Variants in MTRR observed in about 807,000 individuals in gnomAD.
MTRR encodes the protein 5-methyltetrahydrofolate-homocysteine methyltransferase reductase, also known as methionine synthase reductase.
In MTRR, 63 loss-of-function variants were observed where a neutral mutation model predicts 79.2. The observed-to-expected ratio is 0.80, with a 90% CI of 0.65 to 0.98. The LOEUF is 0.98. Among genes scored for constraint, MTRR ranks in the 50% least tolerant of loss-of-function variants. The pLI is 0.00. For synonymous variants in MTRR, 355 were observed against 313.3 expected, an observed-to-expected ratio of 1.13 and a Z score of -1.41; for missense variants, 895 against 839.6, an observed-to-expected ratio of 1.07 and a Z score of -0.82.
At chr5:7,867,521 A>G (rs1747071183), upstream of MTRR, 1 of 1,614,136 alleles carries the variant, frequency 6.2e-7, no homozygotes, top group African/African-American at 1.3e-5. Flanking sequence ...ATCCACATGC[A>G]ACAGAATCAG....
rs201823283 is a variant in MTRR at position 7,873,369 on chromosome 5, G to A, written c.130-4G>A. The A allele has an allele frequency of 1.2e-6, 2 of 1,614,142 alleles. No individual in the cohort carries two copies. Among genetic ancestry groups the A allele is most frequent in the South Asian group, 1.1e-5 (1 of 91,078 alleles). On this transcript the variant is annotated splice_region_variant and splice_polypyrimidine_tract_variant and intron_variant, in intron 2 of 14. Coordinates refer to ENST00000440940, the MANE Select transcript of MTRR (RefSeq NM_002454.3). The stretch of plus-strand genomic sequence containing the variant: ...GTCCCTGACTTGATATCCTTGTTTT[G>A]TAGTATGACCTAAAAACCGAAACAG...
intron 1 of MTRR, chr5:7,870,124 G>T (rs1385005068): frequency 1.0e-6 from 1 of 970,572 alleles, no homozygotes. Flanking sequence ...TGTTTAAGTG[G>T]ATTGGAAATA....
At chr5:7,889,506 C>G (rs766919524) in intron 9 of MTRR, among the ~76,000 whole-genome samples, 1 of 152,044 alleles carries the variant, frequency 6.6e-6, no homozygotes, top group Admixed American at 6.5e-5. Context: ...CCCTTCCAGA[C>G]TTTTGGTTTT....
At position 7,900,000 on chromosome 5, in the gene MTRR, T is replaced by C; in HGVS notation, c.2039T>C (p.Met680Thr). 8.1e-6 allele frequency: 13 copies of C among 1,614,016 alleles called. No individual in the cohort carries two copies. The highest frequency in any genetic ancestry group is 2.2e-5 in the East Asian group (1 of 44,856). The change falls in exon 15 of 15, where the codon ATG becomes ACG. Residue 680 changes from methionine (M) to threonine (T), a missense_variant. Met to Thr is a moderately conservative substitution (Grantham distance 81, BLOSUM62 -1). Transcript: ENST00000440940. ...GTTGGAGTTGAAAAACTAGAAGCAATGAAAACCCTGGCCACTTTAAAAGAA... is the reference window on the plus strand; with the variant it reads ...GTTGGAGTTGAAAAACTAGAAGCAACGAAAACCCTGGCCACTTTAAAAGAA... Reference protein sequence around the residue: ...KEVGVEKLEAMKTLATLKEEK... With the variant: ...KEVGVEKLEATKTLATLKEEK...
chr5:7,867,021 G>C (rs1332268499), upstream of MTRR: 1 of 1,614,034 alleles, frequency 6.2e-7, no homozygotes, highest in Non-Finnish European at 8.5e-7. Context: ...CGATGCTCTA[G>C]GGCTTTTGTA....
At chr5:7,860,364 C>T (rs1402493092) in intron 1 of MTRR, among the ~76,000 whole-genome samples, 1 of 152,122 alleles carries the variant, frequency 6.6e-6, no homozygotes, top group Non-Finnish European at 1.5e-5. Flanking sequence ...TTTAAAAGGT[C>T]TTAAATATTA....
At chr5:7,878,513 A>G (rs976657996) in intron 5 of MTRR, among the ~76,000 whole-genome samples, 191 bp downstream of exon 5, 8 of 152,262 alleles carry the variant, frequency 5.3e-5, no homozygotes, top group South Asian at 2.1e-4. Flanking sequence ...GGTAGTGTCT[A>G]TGACAGCTTT....
intron 1 of MTRR, chr5:7,870,001 T>A (rs1040810981): frequency 1.2e-5 from 12 of 985,268 alleles, no homozygotes; most frequent in Non-Finnish European, 1.4e-5. Flanking sequence ...TAAATCTGTC[T>A]CTGCAAATTG....
At chr5:7,862,849 AC>A (rs1205002329) in intron 2 of MTRR, 1 of 1,613,572 alleles carries the variant, frequency 6.2e-7, no homozygotes, top group Non-Finnish European at 8.5e-7. Context: ...GGGTGTCAAC[AC>A]TTTTGGAGCA....
chr5:7,895,020 G>A (rs143862164), intron 11 of MTRR, among the ~76,000 whole-genome samples: 2,367 of 152,110 alleles, frequency 0.016, 33 homozygotes, highest in Non-Finnish European at 0.025. Flanking sequence ...TCCTACAGTC[G>A]TCCTTGAGTT....
chr5:7,875,777 G>A (rs374069175), intron 4 of MTRR, among the ~76,000 whole-genome samples: 2 of 152,374 alleles, frequency 1.3e-5, no homozygotes, highest in African/African-American at 4.8e-5. Flanking sequence ...ACACTTCGCT[G>A]TTAGAGAACA....
At chr5:7,896,568 T>C (rs1579821732) in intron 12 of MTRR, 4 of 445,742 alleles carry the variant, frequency 9.0e-6, no homozygotes, top group East Asian at 8.8e-5. Flanking sequence ...AAAATTGCTA[T>C]TAATGTTATT....
intron 6 of MTRR, among the ~76,000 whole-genome samples, chr5:7,884,729 C>T (rs1316007125): frequency 1.3e-5 from 2 of 152,076 alleles, no homozygotes; most frequent in East Asian, 3.9e-4. Flanking sequence ...GACTGATAAT[C>T]CTAAAATAAG....
Position 7,886,633 on chromosome 5 carries a change from A to G in MTRR, c.1076A>G (p.His359Arg), listed in dbSNP as rs761632409. Residue 359 changes from histidine (H) to arginine (R), a missense_variant, in exon 8 of 15, where the codon CAT (histidine) becomes CGT (arginine). Coordinates refer to ENST00000440940, the MANE Select transcript of MTRR (RefSeq NM_002454.3). The part of the protein sequence containing the change: ...TKKKGATLPQ[H>R]IPAGCSLQFI... Reference sequence around the variant, plus strand: ...TGAAAAGGAGCTACCTTACCCCAGCATATACCTGCGGGATGTTCTCTCCAG... The same window carrying G: ...TGAAAAGGAGCTACCTTACCCCAGCGTATACCTGCGGGATGTTCTCTCCAG... The G allele has an allele frequency of 3.8e-5, 62 of 1,613,696 alleles. No homozygotes were observed. The highest frequency in any genetic ancestry group is 3.2e-4 in the South Asian group (29 of 91,086).
At position 7,885,836 on chromosome 5, in the gene MTRR, G is replaced by A; in HGVS notation, c.1039G>A (p.Ala347Thr). The part of the protein sequence containing the change: ...REHCVLLKIK[A>T]DTKKKGATLP... ...GCACTGCGTCCTTTTGAAAATAAAG[G>A]CAGACACAAAGAAGAAAGGTAACAG... Residue 347 changes from alanine (A) to threonine (T), a missense_variant, in exon 7 of 15, where the codon GCA (alanine) becomes ACA (threonine). Coordinates refer to ENST00000440940, the MANE Select transcript of MTRR (RefSeq NM_002454.3). 6.2e-7 allele frequency: 1 copy of A among 1,614,028 alleles called. No individual in the cohort carries two copies. Among genetic ancestry groups the A allele is most frequent in the Non-Finnish European group, 8.5e-7 (1 of 1,180,008 alleles).
chr5:7,858,852 G>A (rs1017048087), intron 1 of MTRR, among the ~76,000 whole-genome samples: 2 of 151,102 alleles, frequency 1.3e-5, no homozygotes, highest in Non-Finnish European at 2.9e-5. Flanking sequence ...TTATAATTTA[G>A]AAGATCCTCC....
At chr5:7,853,341 A>G (rs947745335) in intron 1 of MTRR, among the ~76,000 whole-genome samples, 4 of 152,116 alleles carry the variant, frequency 2.6e-5, no homozygotes, top group African/African-American at 9.7e-5. Flanking sequence ...CGTGATTGTA[A>G]GTTTCCTGAG....
At chr5:7,888,372 A>G (rs1736972539) in intron 8 of MTRR, among the ~76,000 whole-genome samples, 1 of 152,174 alleles carries the variant, frequency 6.6e-6, no homozygotes, top group Non-Finnish European at 1.5e-5. Context: ...TTTAGCTTTT[A>G]ATTTAGGAGA....
In MTRR at chr5:7,862,884, G is replaced by A. The variant is rs756473494; in HGVS notation, n.498+827G>A. 14 of 1,614,020 alleles carry A rather than the reference G, an allele frequency of 8.7e-6. 1 individual carries two copies. In the South Asian group the frequency reaches 1.4e-4, roughly 16 times the overall value. On this transcript the variant is annotated intron_variant and non_coding_transcript_variant, in intron 2 of 3. Transcript: ENST00000502509. ...CAAAATATAATCTTGCTCCTAAAAG[G>A]TTAGTCAGCCCAATCTTCACATATC...
Sources: allele counts gnomAD v4.1 joint callset (sites outside exome capture counted in the v4.1 genomes callset), GRCh38; gene constraint gnomAD v4.1.1; transcripts MANE v1.5; gene names NCBI Gene and HGNC (gene_info 2026-07-23, HGNC 2026-07-21).